The following RBBP8NL variants were observed in gnomAD, a reference collection of about 807,000 sequenced individuals.
RBBP8NL encodes RBBP8 N-terminal like.
A neutral mutation model predicts 62.2 loss-of-function variants in RBBP8NL; 59 were observed. The observed-to-expected ratio is 0.95, with a 90% CI of 0.77 to 1.18. The LOEUF is 1.18. RBBP8NL is among the 50% of genes most tolerant of loss of function. RBBP8NL has a pLI of 0.00. For synonymous variants in RBBP8NL, 412 were observed against 394.1 expected (o/e 1.05, Z -0.54); for missense variants, 896 against 899.5 (o/e 1.00, Z 0.05).
Position 62,416,843 on chromosome 20 carries a change from A to G in RBBP8NL, c.230T>C (p.Met77Thr), listed in dbSNP as rs775493565. 5.7e-6 allele frequency: 9 copies of G among 1,577,462 alleles called. No homozygotes were observed. Among genetic ancestry groups the G allele is most frequent in the South Asian group, 1.2e-5 (1 of 86,568 alleles). Reference protein sequence around the residue: ...RLRAGLCDRCMVTQELARKRQ... With the variant: ...RLRAGLCDRCTVTQELARKRQ... ...CTTCCTGGCCAGCTCCTGGGTGACC[A>G]TGCAGCGGTCGCACAGGCCGGCCCG... Residue 77 changes from methionine to threonine, a missense_variant, in exon 5 of 14, where the codon ATG becomes ACG. Coordinates refer to ENST00000252998, the MANE Select transcript of RBBP8NL (RefSeq NM_080833.3).
chr20:62,421,109 G>A (rs1187402488), intron 1 of RBBP8NL, among the ~76,000 whole-genome samples: 1 of 152,236 alleles, frequency 6.6e-6, no homozygotes, highest in Non-Finnish European at 1.5e-5. Context: ...TACCGGTCAA[G>A]TGGCTGGGCC....
intron 1 of RBBP8NL, among the ~76,000 whole-genome samples, chr20:62,425,832 C>T (rs1156284451): frequency 6.6e-6 from 1 of 152,272 alleles, no homozygotes; most frequent in African/African-American, 2.4e-5. Context: ...GTCCATCTGA[C>T]TGACTGCCCA....
chr20:62,426,795 G>C (rs6121589), intron 1 of RBBP8NL, among the ~76,000 whole-genome samples: 41,043 of 152,200 alleles, frequency 0.27, 5,590 homozygotes, highest in African/African-American at 0.3. Context: ...ACGCGCGTGC[G>C]CCCGTGCACT....
In RBBP8NL at chr20:62,415,142, T is replaced by C; in HGVS notation, c.773A>G (p.Glu258Gly). The C allele has an allele frequency of 6.7e-7, 1 of 1,501,060 alleles. No homozygotes were observed. The highest frequency in any genetic ancestry group is 8.9e-7 in the Non-Finnish European group (1 of 1,122,154). The allele number at this position is 1,501,060 out of a possible 1,614,324, so 93.0% of individuals were successfully genotyped here. ...GCACCTGTCCAGGGAGAGGCCACGC[T>C]CATACGCTGGGCTGGGTGGGCTGCT... is the stretch of plus-strand genomic sequence containing the variant. ...ARSSPPSPAYERGLSLDSFLR... is the reference protein window; with the variant it reads ...ARSSPPSPAYGRGLSLDSFLR... Residue 258 changes from glutamate (E) to glycine (G), a missense_variant, in exon 9 of 14, where the codon GAG becomes GGG. Glu to Gly is a moderately conservative substitution (Grantham distance 98). Coordinates refer to ENST00000252998, the MANE Select transcript of RBBP8NL (RefSeq NM_080833.3).
chr20:62,410,905 G>T lies in RBBP8NL; in HGVS notation c.1968C>A (p.Pro656=). Residue 656 remains proline (P), a synonymous_variant, in exon 14 of 14, where the codon CCC becomes CCA. Coordinates refer to ENST00000252998, the MANE Select transcript of RBBP8NL (RefSeq NM_080833.3). The part of the protein sequence containing the change: ...PRDAEDHSPS[P]NSSPWEET Reference sequence around the variant, plus strand: ...AGGTCTCCTCCCAGGGGCTGCTGTTGGGGGAGGGACTGTGGTCCTCGGCGT... The same window carrying T: ...AGGTCTCCTCCCAGGGGCTGCTGTTTGGGGAGGGACTGTGGTCCTCGGCGT... 6.2e-7 allele frequency: 1 copy of T among 1,612,954 alleles called. No homozygotes were observed. Among genetic ancestry groups the T allele is most frequent in the Non-Finnish European group, 8.5e-7 (1 of 1,179,510 alleles).
intron 1 of RBBP8NL, among the ~76,000 whole-genome samples, chr20:62,420,454 A>G (rs967760953): frequency 2.6e-5 from 4 of 152,064 alleles, no homozygotes; most frequent in African/African-American, 9.7e-5. Flanking sequence ...CAGAGCATGT[A>G]CACACATAAC....
intron 8 of RBBP8NL, 70 bp from the exon 9 acceptor site, chr20:62,415,357 C>T (rs1286022756): frequency 6.7e-7 from 1 of 1,487,712 alleles, no homozygotes; most frequent in Non-Finnish European, 9.0e-7. Flanking sequence ...GCCATAGCCT[C>T]TGCTGCCTGC....
intron 1 of RBBP8NL, among the ~76,000 whole-genome samples, chr20:62,421,812 GTGTT>G (rs1328167232): frequency 6.7e-6 from 1 of 148,310 alleles, no homozygotes; most frequent in Admixed American, 6.7e-5. Flanking sequence ...GTGTGCATGT[GTGTT>G]TGCTGTGTGT....
At chr20:62,421,957 C>G in intron 1 of RBBP8NL, among the ~76,000 whole-genome samples, 1 of 152,290 alleles carries the variant, frequency 6.6e-6, no homozygotes, top group East Asian at 1.9e-4. Flanking sequence ...TGTGGAACCA[C>G]TGGTGCGTCA....
intron 13 of RBBP8NL, 119 bp from the exon 14 acceptor site, chr20:62,411,115 G>T (rs1282308158): frequency 1.4e-6 from 1 of 695,420 alleles, no homozygotes; most frequent in East Asian, 2.5e-5. Flanking sequence ...GCTTGGGGAA[G>T]TTTGCTGGCC....
chr20:62,414,578 A>T, intron 9 of RBBP8NL, 22 bp from the exon 10 acceptor site: 1 of 1,420,858 alleles, frequency 7.0e-7, no homozygotes, highest in Non-Finnish European at 9.2e-7. Context: ...GAGAAGCCGA[A>T]TGACCATGGC....
intron 10 of RBBP8NL, 129 bp from the exon 11 acceptor site, chr20:62,413,674 G>A (rs1988487669): frequency 1.6e-5 from 23 of 1,395,560 alleles, no homozygotes; most frequent in Middle Eastern, 4.3e-4. Context: ...TCCCTTTATA[G>A]TGTGGATGAG....
rs148498049 is a variant in RBBP8NL at position 62,413,925 on chromosome 20, C to T, written c.1426G>A (p.Glu476Lys). The T allele has an allele frequency of 5.0e-4, 789 of 1,591,136 alleles. No homozygotes were observed. In the African/African-American group the frequency reaches 6.5e-3, roughly 13 times the overall value. The change falls in exon 10 of 14, where the codon GAG becomes AAG. Residue 476 changes from glutamate (E) to lysine (K), a missense_variant. Transcript: ENST00000252998. Reference protein sequence around the residue: ...SPAAAHTASPEPPTQSGPLTR... With the variant: ...SPAAAHTASPKPPTQSGPLTR... Reference sequence around the variant, plus strand: ...AGGGGTCCGGACTGGGTGGGTGGCTCGGGGCTGGCAGTGTGGGCAGCGGCA... The same window carrying T: ...AGGGGTCCGGACTGGGTGGGTGGCTTGGGGCTGGCAGTGTGGGCAGCGGCA...
At chr20:62,426,030 AGCAGTG>A (rs1007726075) in intron 1 of RBBP8NL, among the ~76,000 whole-genome samples, 46 of 142,300 alleles carry the variant, frequency 3.2e-4, no homozygotes, top group Admixed American at 7.1e-4. Context: ...CAGTGGCATT[AGCAGTG>A]GCAGTGGCAG....
intron 1 of RBBP8NL, among the ~76,000 whole-genome samples, chr20:62,422,631 T>C (rs8116649): frequency 0.15 from 1,177 of 7,826 alleles, 2 homozygotes; most frequent in Middle Eastern, 0.29. Flanking sequence ...GGAGTGGGGA[T>C]GGGGCCCGGG....
At chr20:62,417,485 GACGTCTGTCCCGTCCACGCAGC>G (rs1988597627) in intron 3 of RBBP8NL, among the ~76,000 whole-genome samples, 166 bp from the exon 4 acceptor site, 4 of 134,846 alleles carry the variant, frequency 3.0e-5, no homozygotes, top group South Asian at 2.2e-4. Flanking sequence ...GCTCCTCTGT[GACGTCTGTCCCGTCCACGCAGC>G]CCCCCCAGTC....
chr20:62,427,052 C>T (rs1029044826), intron 1 of RBBP8NL, among the ~76,000 whole-genome samples: 3 of 152,234 alleles, frequency 2.0e-5, no homozygotes, highest in Non-Finnish European at 2.9e-5. Flanking sequence ...TGCTGCACCC[C>T]TGCACCACCC....
chr20:62,413,777 G>GT, intron 10 of RBBP8NL, 44 bp downstream of exon 10: 1 of 1,537,562 alleles, frequency 6.5e-7, no homozygotes. Context: ...GGTGGGGGAC[G>GT]TGGAGGCTGA....
At chr20:62,420,531 G>A in intron 1 of RBBP8NL, among the ~76,000 whole-genome samples, 1 of 151,964 alleles carries the variant, frequency 6.6e-6, no homozygotes, top group Non-Finnish European at 1.5e-5. Flanking sequence ...CACACCCAGA[G>A]TTACACACAT....
Sources: gnomAD v4.1 joint callset for allele counts (sites outside exome capture counted in the v4.1 genomes callset) on GRCh38, gnomAD v4.1.1 for gene constraint, MANE v1.5 for transcripts, NCBI Gene and HGNC (gene_info 2026-07-23, HGNC 2026-07-21) for gene names.